NDRG1: variants seen among roughly 807,000 people sequenced by gnomAD.
NDRG1 encodes protein NDRG1.
NDRG1 carries 32 observed loss-of-function variants against 56.9 expected under a neutral mutation model. The ratio of observed to expected loss-of-function variants is 0.56; its 90% confidence interval spans 0.42 to 0.76. The LOEUF (loss-of-function observed/expected upper bound fraction) is 0.76, where lower values mean the gene tolerates loss of function less well. Among genes scored for constraint, NDRG1 ranks in the 30% least tolerant of loss-of-function variants. NDRG1 has a pLI of 0.00. For synonymous variants in NDRG1, 211 were observed against 204.1 expected (o/e 1.03, Z -0.29); for missense variants, 507 against 545.7 (o/e 0.93, Z 0.71).
At chr8:133,244,440 C>G in intron 13 of NDRG1, 50 bp from the exon 14 acceptor site, 1 of 1,611,680 alleles carries the variant, frequency 6.2e-7, no homozygotes, top group Non-Finnish European at 8.5e-7. Flanking sequence ...CCAAGGCCCT[C>G]TGCGCTCTAT....
At chr8:133,286,676 G>A (rs2004066) in intron 1 of NDRG1, among the ~76,000 whole-genome samples, 55,647 of 152,016 alleles carry the variant, frequency 0.37, 10,673 homozygotes, top group East Asian at 0.5. Context: ...AGATAAAACT[G>A]CTGAGGATGA....
At chr8:133,292,309 C>T (rs1297299181) in intron 1 of NDRG1, among the ~76,000 whole-genome samples, 1 of 152,180 alleles carries the variant, frequency 6.6e-6, no homozygotes, top group Non-Finnish European at 1.5e-5. Context: ...AGGATCCTTC[C>T]CCAGAATGGT....
chr8:133,288,596 T>C lies in NDRG1; in HGVS notation c.-18-4267A>G, dbSNP rs556687549. Among the ~76,000 whole-genome samples, 21 of 152,334 alleles carry C rather than the reference T, an allele frequency of 1.4e-4. 1 individual carries two copies. The highest frequency in any genetic ancestry group is 9.8e-4 in the Admixed American group (15 of 15,314). ...GAGGTCCTTGCTGGACTCCAGCTCC[T>C]GCCCTCCCTCTGCCTCATGCAAAGT... On this transcript the variant is annotated intron_variant, in intron 1 of 15. Coordinates refer to ENST00000323851, the MANE Select transcript of NDRG1 (RefSeq NM_006096.4).
rs1858830424 is a variant in NDRG1, at chr8:133,297,169, G to T, written c.-54C>A. 6.6e-6 allele frequency: 1 copy of T among 152,346 alleles called. No individual in the cohort carries two copies. Among genetic ancestry groups the T allele is most frequent in the Admixed American group, 6.5e-5 (1 of 15,294 alleles). The allele number at this position is 152,346 out of a possible 1,614,324, so 9.4% of individuals were successfully genotyped here. A position where few individuals can be genotyped will look rare whatever the true frequency, so the allele number is the denominator to read the frequency against. On this transcript the variant is annotated 5_prime_UTR_variant, in exon 1 of 16. Coordinates refer to ENST00000323851, the MANE Select transcript of NDRG1 (RefSeq NM_006096.4). ...GGAGAAAGGAAAGGACGGTGCCGAG[G>T]CTGGCGGCCCAGCGCCCCGCGGAAG...
intron 14 of NDRG1, among the ~76,000 whole-genome samples, chr8:133,243,504 G>A (rs528554112): frequency 6.6e-6 from 1 of 152,302 alleles, no homozygotes; most frequent in South Asian, 2.1e-4. Context: ...AAAACCCTGT[G>A]TAAACATACA....
intron 1 of NDRG1, among the ~76,000 whole-genome samples, chr8:133,294,911 GC>G (rs1375713511): frequency 1.3e-5 from 2 of 152,278 alleles, no homozygotes; most frequent in Admixed American, 6.5e-5. Context: ...CCTTTCCACT[GC>G]CTTCAGTCCC....
chr8:133,270,822 C>G (rs1051918726), intron 3 of NDRG1, among the ~76,000 whole-genome samples: 2 of 152,190 alleles, frequency 1.3e-5, no homozygotes, highest in African/African-American at 2.4e-5. Flanking sequence ...AATGATATAA[C>G]CACCACGTGC....
At chr8:133,250,407 T>C (rs770688938) in intron 10 of NDRG1, 33 bp downstream of exon 10, 116 of 1,565,988 alleles carry the variant, frequency 7.4e-5, no homozygotes, top group Non-Finnish European at 8.5e-5. Context: ...ACCTCATAAA[T>C]AGCAATGATG....
chr8:133,276,178 C>A (rs1857446671), intron 3 of NDRG1, among the ~76,000 whole-genome samples: 1 of 152,218 alleles, frequency 6.6e-6, no homozygotes, highest in African/African-American at 2.4e-5. Context: ...GTGGCCCCCA[C>A]TTTAATGATG....
In NDRG1 at chr8:133,237,947, G is replaced by C. The variant is rs1043843453; in HGVS notation, c.*931C>G. 3 of 232,904 alleles carry C rather than the reference G, an allele frequency of 1.3e-5. No homozygotes were observed. The highest frequency in any genetic ancestry group is 6.6e-5 in the African/African-American group (3 of 45,278). 14.4% of individuals were successfully genotyped at this position (232,904 alleles called of 1,614,324 possible). On this transcript the variant is annotated 3_prime_UTR_variant, in exon 16 of 16. Transcript: ENST00000323851. ...ACCCCCACCCCAGTGCTCCTACTCC[G>C]GCCCCTGCAAGGACACTCATCACAG...
chr8:133,248,023 A>G, intron 11 of NDRG1, 97 bp from the exon 12 acceptor site: 1 of 1,226,682 alleles, frequency 8.2e-7, no homozygotes, highest in Non-Finnish European at 1.2e-6. Flanking sequence ...TCTACAAACA[A>G]TGTCATTTTG....
intron 2 of NDRG1, 104 bp downstream of exon 2, chr8:133,284,145 C>T: frequency 3.9e-6 from 4 of 1,014,368 alleles, no homozygotes; most frequent in South Asian, 1.3e-5. Flanking sequence ...TGTATTTGTG[C>T]AGTGTTTGCA....
At chr8:133,278,488 A>G (rs1857582811) in intron 3 of NDRG1, among the ~76,000 whole-genome samples, 1 of 152,058 alleles carries the variant, frequency 6.6e-6, no homozygotes. Flanking sequence ...TGCAACATAG[A>G]GAGGAACGGG....
chr8:133,281,194 C>T (rs1857778937), intron 2 of NDRG1: 1 of 152,036 alleles, frequency 6.6e-6, no homozygotes, highest in African/African-American at 2.4e-5. Flanking sequence ...CCCGTCTCTA[C>T]TAAAAATACA....
chr8:133,251,778 GT>G (rs1222220163), intron 9 of NDRG1, among the ~76,000 whole-genome samples: 1 of 152,186 alleles, frequency 6.6e-6, no homozygotes, highest in Non-Finnish European at 1.5e-5. Flanking sequence ...GGGAAAAAGG[GT>G]TTTTGCAGGT....
intron 3 of NDRG1, chr8:133,264,878 G>C (rs1563628725): frequency 1.0e-5 from 6 of 586,202 alleles, no homozygotes; most frequent in Admixed American, 2.8e-5. Flanking sequence ...GGCTCAGACT[G>C]CGCTGTTAAA....
intron 3 of NDRG1, among the ~76,000 whole-genome samples, chr8:133,272,400 T>G (rs2977502): frequency 6.6e-6 from 1 of 152,172 alleles, no homozygotes; most frequent in African/African-American, 2.4e-5. Context: ...GTTTGCAATG[T>G]GCTCAGGGAC....
chr8:133,245,899 C>T (rs918758736), intron 13 of NDRG1, among the ~76,000 whole-genome samples: 1 of 152,196 alleles, frequency 6.6e-6, no homozygotes, highest in Non-Finnish European at 1.5e-5. Context: ...TCGGACACCC[C>T]CTACATGCCT....
intron 4 of NDRG1, chr8:133,262,378 GGGCAAGGGAGT>G: frequency 1.7e-6 from 1 of 588,728 alleles, no homozygotes; most frequent in Non-Finnish European, 3.0e-6. Context: ...AAGTTTCATG[GGGCAAGGGAGT>G]GGTAGCTGGC....
Sources: allele counts gnomAD v4.1 joint callset (sites outside exome capture counted in the v4.1 genomes callset), GRCh38; gene constraint gnomAD v4.1.1; transcripts MANE v1.5; gene names NCBI Gene and HGNC (gene_info 2026-07-23, HGNC 2026-07-21).